IKBKG: variants seen among roughly 807,000 people sequenced by gnomAD.
IKBKG encodes inhibitor of nuclear factor kappa B kinase regulatory subunit gamma, also known as NF-kappa-B essential modulator.
A neutral mutation model predicts 13.7 loss-of-function variants in IKBKG; 2 were observed. The ratio of observed to expected loss-of-function variants is 0.15; its 90% CI spans 0.06 to 0.46. The LOEUF (loss-of-function observed/expected upper bound fraction) is 0.46, where lower values mean the gene tolerates loss of function less well. Ranked by LOEUF, IKBKG falls within the 20% of genes least tolerant of loss-of-function variation. The pLI, the probability that IKBKG is intolerant of heterozygous loss-of-function variation, is 0.98. For synonymous variants in IKBKG, 22 were observed against 64.4 expected, an observed-to-expected ratio of 0.34 and a Z score of 3.15; for missense variants, 53 against 150.3, an observed-to-expected ratio of 0.35 and a Z score of 3.39.
At chrX:154,555,785 G>A (rs1365156353) in intron 2 of IKBKG, among the ~76,000 whole-genome samples, 1 of 111,370 alleles carries the variant, frequency 9.0e-6, no homozygotes, top group African/African-American at 3.3e-5. Flanking sequence ...TCACCATGTT[G>A]GCCAAGCTGG....
intron 1 of IKBKG, among the ~76,000 whole-genome samples, chrX:154,551,623 CT>C (rs1557235036): frequency 9.0e-6 from 1 of 111,700 alleles, no homozygotes; most frequent in Non-Finnish European, 1.9e-5. Context: ...ATTCAGCCCA[CT>C]ACACTGGATG....
intron 2 of IKBKG, among the ~76,000 whole-genome samples, chrX:154,552,878 C>T (rs964473632): frequency 1.6e-4 from 18 of 112,282 alleles, no homozygotes; most frequent in African/African-American, 5.2e-4. Context: ...CGCTCCTGCC[C>T]GCGCCCTGGG....
upstream of IKBKG, among the ~76,000 whole-genome samples, chrX:154,542,768 C>T (rs1394821052): frequency 3.6e-5 from 4 of 111,884 alleles, no homozygotes; most frequent in Non-Finnish European, 7.5e-5. Flanking sequence ...TGTGCTCTCC[C>T]GGCCCTCTTT....
In IKBKG at chrX:154,552,097, C is replaced by T. The variant is rs2070948863; in HGVS notation, c.95C>T (p.Pro32Leu). 8.4e-7 allele frequency: 1 copy of T among 1,196,976 alleles called. No individual in the cohort carries two copies. The highest frequency in any genetic ancestry group is 1.1e-6 in the Non-Finnish European group (1 of 884,809). Residue 32 changes from proline to leucine, a missense_variant, in exon 2 of 10, where the codon CCT becomes CTT. This residue lies in a region of IKBKG where 47 missense variants were observed against 50.0 expected (regional missense o/e 0.94). Coordinates refer to ENST00000594239, the MANE Select transcript of IKBKG (RefSeq NM_001099857.5). ...CAGGACGTACTGGGCGAAGAGTCTC[C>T]TCTGGGGAAGCCAGCCATGCTGCAC... ...ADQDVLGEESPLGKPAMLHLP... is the reference protein window; with the variant it reads ...ADQDVLGEESLLGKPAMLHLP...
intron 1 of IKBKG, 146 bp downstream of exon 1, chrX:154,547,891 C>T: frequency 2.6e-6 from 2 of 754,994 alleles, no homozygotes; most frequent in South Asian, 6.7e-5. Flanking sequence ...CCAAGGCGGG[C>T]CGATTCAGGA....
At chrX:154,551,312 C>G (rs1392935551) in intron 1 of IKBKG, among the ~76,000 whole-genome samples, 1 of 110,531 alleles carries the variant, frequency 9.0e-6, no homozygotes, top group African/African-American at 3.3e-5. Flanking sequence ...CAAGCACACA[C>G]CCTCAAAGGC....
chrX:154,555,727 G>C (rs1489012860), intron 2 of IKBKG, among the ~76,000 whole-genome samples: 3 of 111,455 alleles, frequency 2.7e-5, no homozygotes, highest in Non-Finnish European at 5.7e-5. Context: ...TTACAGGCGT[G>C]TGCCACCACA....
upstream of IKBKG, chrX:154,547,007 G>A: frequency 4.5e-6 from 1 of 221,407 alleles, no homozygotes; most frequent in East Asian, 8.7e-5. Flanking sequence ...TCCCAGGCCA[G>A]CCCCTGCCTC....
chrX:154,549,264 A>C (rs1242868920), intron 1 of IKBKG, among the ~76,000 whole-genome samples: 4 of 109,426 alleles, frequency 3.7e-5, no homozygotes, highest in Admixed American at 2.9e-4. Flanking sequence ...TACAGGCATG[A>C]GCCACCGCGC....
intron 1 of IKBKG, 106 bp from the exon 2 acceptor site, chrX:154,551,877 TAGGTG>T (rs1251115393): frequency 2.5e-5 from 14 of 557,534 alleles, no homozygotes; most frequent in Admixed American, 1.2e-4. Flanking sequence ...CCTGATACAC[TAGGTG>T]AATTATCAGC....
At chrX:154,545,266 G>A (rs1227344518), upstream of IKBKG, among the ~76,000 whole-genome samples, 1 of 111,686 alleles carries the variant, frequency 9.0e-6, no homozygotes, top group African/African-American at 3.3e-5. Context: ...GTGAGGCAGA[G>A]CTCCTTGGTA....
intron 2 of IKBKG, among the ~76,000 whole-genome samples, chrX:154,554,166 A>C (rs1315205202): frequency 1.8e-5 from 2 of 112,753 alleles, no homozygotes; most frequent in African/African-American, 6.4e-5. Context: ...GTACATGCTT[A>C]TGTCCATGGA....
upstream of IKBKG, among the ~76,000 whole-genome samples, chrX:154,545,130 C>T (rs781797312): frequency 2.7e-5 from 3 of 111,361 alleles, no homozygotes; most frequent in East Asian, 8.5e-4. Context: ...TAGTCTCGGG[C>T]GATGGCTGTC....
chrX:154,547,970 C>T, intron 1 of IKBKG: 1 of 754,945 alleles, frequency 1.3e-6, no homozygotes, highest in Non-Finnish European at 1.6e-6. Context: ...GGGGTCTGAC[C>T]CTACTCCTTG....
At chrX:154,546,803 C>T (rs782023794), upstream of IKBKG, 6 of 1,160,872 alleles carry the variant, frequency 5.2e-6, no homozygotes, top group Admixed American at 1.0e-4. Flanking sequence ...GCTTCGTCGT[C>T]GTCGCCCTCC....
At chrX:154,563,274 CCA>C (rs1458864914) in intron 7 of IKBKG, among the ~76,000 whole-genome samples, 13 of 23,485 alleles carry the variant, frequency 5.5e-4, no homozygotes, top group Non-Finnish European at 7.2e-4. Context: ...GGTGATCTGC[CCA>C]CCGCAGTCTC....
intron 1 of IKBKG, among the ~76,000 whole-genome samples, chrX:154,548,570 GT>G (rs1331643371): frequency 8.9e-6 from 1 of 112,318 alleles, no homozygotes; most frequent in Non-Finnish European, 1.9e-5. Flanking sequence ...TTTTTGGTTT[GT>G]TTGTTTTTGA....
intron 1 of IKBKG, among the ~76,000 whole-genome samples, chrX:154,548,844 G>T (rs2070837338): frequency 8.9e-6 from 1 of 111,811 alleles, no homozygotes; most frequent in African/African-American, 3.3e-5. Flanking sequence ...GGGATTACAG[G>T]TGTGAGCCAC....
chrX:154,553,450 T>C (rs996026550), intron 2 of IKBKG, among the ~76,000 whole-genome samples: 5 of 112,783 alleles, frequency 4.4e-5, no homozygotes, highest in African/African-American at 1.6e-4. Context: ...ATGTGTCTCC[T>C]CTTACTGTCA....
Sources: gnomAD v4.1 joint callset for allele counts (sites outside exome capture counted in the v4.1 genomes callset) on GRCh38, gnomAD v4.1.1 for gene constraint, gnomAD v4.1.1 regional missense constraint, MANE v1.5 for transcripts, NCBI Gene and HGNC (gene_info 2026-07-23, HGNC 2026-07-21) for gene names.